The following GRIN2A variants were observed in gnomAD, a reference collection of about 807,000 sequenced individuals.
GRIN2A encodes the protein glutamate receptor ionotropic, NMDA 2A.
Under a neutral mutation model 113.4 loss-of-function variants are expected in GRIN2A, and 22 were observed. The observed-to-expected ratio is 0.19, with a 90% confidence interval of 0.14 to 0.28. The LOEUF (loss-of-function observed/expected upper bound fraction) is 0.28. GRIN2A is among the 10% of genes least tolerant of loss of function. The probability of loss-of-function intolerance (pLI) is 1.00; values close to 1 mark genes in which losing one functional copy is unlikely to be tolerated. For synonymous variants in GRIN2A, 827 were observed against 738.4 expected (o/e 1.12, Z -1.94); for missense variants, 1,502 against 1,887.0 (o/e 0.80, Z 3.78).
chr16:9,863,236 G>A lies in GRIN2A; in HGVS notation c.1123-13275C>T, dbSNP rs545500621. Among the ~76,000 whole-genome samples the A allele has an allele frequency of 6.0e-4, 91 of 152,296 alleles. 1 individual carries two copies. Among genetic ancestry groups the A allele is most frequent in the South Asian group, 5.4e-3 (26 of 4,826 alleles). ...ATTTCATGGATCAGTTGGGAAGACA[G>A]TATTAATAATTAGCACCATGCAGCA... On this transcript the variant is annotated intron_variant, in intron 4 of 12. Transcript: ENST00000330684.
At chr16:10,076,286 A>G (rs981338774) in intron 2 of GRIN2A, among the ~76,000 whole-genome samples, 3 of 152,092 alleles carry the variant, frequency 2.0e-5, no homozygotes, top group African/African-American at 7.2e-5. Flanking sequence ...TTAACTCACA[A>G]CAGGATCCAG....
At chr16:10,076,162 G>T (rs1295068134) in intron 2 of GRIN2A, among the ~76,000 whole-genome samples, 1 of 152,192 alleles carries the variant, frequency 6.6e-6, no homozygotes, top group Non-Finnish European at 1.5e-5. Flanking sequence ...AAGCAAAGTG[G>T]GTTGAGGATC....
chr16:10,001,589 T>A (rs558089406), intron 2 of GRIN2A, among the ~76,000 whole-genome samples: 2 of 152,332 alleles, frequency 1.3e-5, no homozygotes, highest in Non-Finnish European at 2.9e-5. Flanking sequence ...CTTCCATGCA[T>A]GCTCTTGTAT....
intron 2 of GRIN2A, among the ~76,000 whole-genome samples, chr16:10,105,377 T>A (rs1172019321): frequency 6.6e-6 from 1 of 152,146 alleles, no homozygotes; most frequent in Non-Finnish European, 1.5e-5. Flanking sequence ...CAGTCACATC[T>A]GGCCAAGAGA....
At chr16:9,851,794 G>C (rs1033336988) in intron 4 of GRIN2A, among the ~76,000 whole-genome samples, 1 of 152,180 alleles carries the variant, frequency 6.6e-6, no homozygotes, top group Admixed American at 6.5e-5. Flanking sequence ...GTAAAATGAA[G>C]AGAGCAACAG....
Position 9,754,585 on chromosome 16 carries a change from T to A in GRIN2A, c.*8564A>T, listed in dbSNP as rs1479961770. 4.7e-6 allele frequency: 1 copy of A among 212,734 alleles called. No individual in the cohort carries two copies. The highest frequency in any genetic ancestry group is 9.5e-6 in the Non-Finnish European group (1 of 105,334). The allele number at this position is 212,734 out of a possible 1,614,324, so 13.2% of individuals were successfully genotyped here. A position where few individuals can be genotyped will look rare whatever the true frequency, so the allele number is the denominator to read the frequency against. On this transcript the variant is annotated 3_prime_UTR_variant, in exon 13 of 13. Transcript: ENST00000330684. ...ATCTTTTGTTTTTAAACTGAAACAT[T>A]TACGTAAGTGGTCATGGCCCCAGAG... is the stretch of plus-strand genomic sequence containing the variant.
chr16:10,041,740 T>C (rs563346057), intron 2 of GRIN2A, among the ~76,000 whole-genome samples: 1 of 152,340 alleles, frequency 6.6e-6, no homozygotes, highest in Admixed American at 6.5e-5. Context: ...GGTATGACCA[T>C]GCTTTTGACC....
intron 2 of GRIN2A, among the ~76,000 whole-genome samples, chr16:10,016,124 A>T (rs1325480341): frequency 6.6e-6 from 1 of 150,986 alleles, no homozygotes. Context: ...CTCAAAAAAA[A>T]AAAAAAAAAA....
chr16:9,816,144 G>T (rs1031299333), intron 10 of GRIN2A, among the ~76,000 whole-genome samples: 1 of 152,198 alleles, frequency 6.6e-6, no homozygotes, highest in Non-Finnish European at 1.5e-5. Flanking sequence ...TGGATAGAGA[G>T]TTGCAGTTTT....
intron 11 of GRIN2A, among the ~76,000 whole-genome samples, chr16:9,784,161 G>A (rs1269629429): frequency 6.6e-6 from 1 of 152,132 alleles, no homozygotes; most frequent in Non-Finnish European, 1.5e-5. Flanking sequence ...TGGGTGTGGT[G>A]GCTCACAGCT....
At chr16:9,864,852 A>C (rs1333505146) in intron 4 of GRIN2A, among the ~76,000 whole-genome samples, 1 of 152,136 alleles carries the variant, frequency 6.6e-6, no homozygotes, top group Non-Finnish European at 1.5e-5. Flanking sequence ...CAAAATAATA[A>C]ATTTAAGTTT....
chr16:9,912,225 A>C (rs767002268), intron 3 of GRIN2A, among the ~76,000 whole-genome samples: 3 of 152,076 alleles, frequency 2.0e-5, no homozygotes, highest in Non-Finnish European at 4.4e-5. Context: ...TGATGATGGC[A>C]ATGATGATAG....
intron 5 of GRIN2A, among the ~76,000 whole-genome samples, chr16:9,845,569 A>G (rs1395949884): frequency 2.0e-5 from 3 of 152,064 alleles, no homozygotes; most frequent in East Asian, 1.9e-4. Context: ...ACTTTCCCAC[A>G]TCATCCCCTC....
chr16:10,141,697 T>C (rs2049329631), intron 2 of GRIN2A, among the ~76,000 whole-genome samples: 1 of 152,204 alleles, frequency 6.6e-6, no homozygotes, highest in South Asian at 2.1e-4. Context: ...TATATTTCTG[T>C]TGTAAAAATT....
At chr16:9,857,711 T>A (rs893574105) in intron 4 of GRIN2A, among the ~76,000 whole-genome samples, 1 of 152,162 alleles carries the variant, frequency 6.6e-6, no homozygotes, top group African/African-American at 2.4e-5. Flanking sequence ...ACTAAATTAA[T>A]GTATTAAAGC....
chr16:9,968,941 G>C (rs1313358088), intron 2 of GRIN2A, among the ~76,000 whole-genome samples: 1 of 152,112 alleles, frequency 6.6e-6, no homozygotes, highest in Non-Finnish European at 1.5e-5. Flanking sequence ...AAAAGAAAAA[G>C]TTGAAATTAA....
rs957785799 is a variant in GRIN2A at position 9,776,701 on chromosome 16, C to T, written c.2357-7612G>A. ...GAAGGTTGTTGCTGCTGATCTCATT[C>T]GGGTTCGCTGTGAACACCGAGAGGG... On this transcript the variant is annotated intron_variant, in intron 11 of 12. Transcript: ENST00000330684. Among the ~76,000 whole-genome samples, 5 of 152,006 alleles carry T rather than the reference C, an allele frequency of 3.3e-5. No individual in the cohort carries two copies. The South Asian group carries it at 8.3e-4, about 25-fold the overall frequency.
intron 2 of GRIN2A, among the ~76,000 whole-genome samples, chr16:10,138,511 G>A (rs926942956): frequency 1.3e-4 from 20 of 152,084 alleles, no homozygotes; most frequent in Admixed American, 6.6e-4. Context: ...GTGAGAACTC[G>A]CTTACTATCA....
chr16:9,998,289 G>A (rs149739606), intron 2 of GRIN2A, among the ~76,000 whole-genome samples: 1 of 152,258 alleles, frequency 6.6e-6, no homozygotes, highest in Non-Finnish European at 1.5e-5. Context: ...TAAACGACAG[G>A]AGCCAGGCAT....
Sources: gnomAD v4.1 joint callset for allele counts (sites outside exome capture counted in the v4.1 genomes callset) on GRCh38, gnomAD v4.1.1 for gene constraint, MANE v1.5 for transcripts, NCBI Gene and HGNC (gene_info 2026-07-23, HGNC 2026-07-21) for gene names.